The following RXFP1 variants were observed in gnomAD, a reference collection of about 807,000 sequenced individuals.
The protein encoded by RXFP1 is relaxin receptor 1.
A neutral mutation model predicts 89.8 loss-of-function variants in RXFP1; 73 were observed. The ratio of observed to expected loss-of-function variants is 0.81; its 90% CI spans 0.67 to 0.99. The LOEUF is 0.99. RXFP1 is among the 50% of genes least tolerant of loss of function. RXFP1 has a pLI of 0.00. For missense variants in RXFP1, 793 were observed against 895.5 expected (o/e 0.89, Z 1.46); for synonymous variants, 277 against 305.5 (o/e 0.91, Z 0.97).
chr4:158,522,111 C>T (rs1025237142), intron 1 of RXFP1, 86 bp downstream of exon 1: 1 of 751,034 alleles, frequency 1.3e-6, no homozygotes, highest in Non-Finnish European at 2.2e-6. Context: ...TATATTTATG[C>T]TTTTAAGATA....
intron 2 of RXFP1, among the ~76,000 whole-genome samples, chr4:158,583,372 G>A (rs182112520): frequency 5.9e-5 from 9 of 152,240 alleles, no homozygotes; most frequent in Admixed American, 2.6e-4. Context: ...AGACATTAGC[G>A]GTTCTCATTT....
At chr4:158,607,115 C>A in intron 5 of RXFP1, 2 of 1,535,960 alleles carry the variant, frequency 1.3e-6, no homozygotes, top group South Asian at 2.4e-5. Context: ...CTTACTTTAT[C>A]ATTCCCGCAA....
intron 2 of RXFP1, among the ~76,000 whole-genome samples, chr4:158,574,526 A>G (rs549142541): frequency 1.3e-5 from 2 of 152,344 alleles, no homozygotes; most frequent in Admixed American, 6.5e-5. Context: ...CTAAAGTGGT[A>G]TAAGGTAAAT....
At chr4:158,584,168 C>T (rs777079826) in intron 2 of RXFP1, among the ~76,000 whole-genome samples, 2 of 152,156 alleles carry the variant, frequency 1.3e-5, no homozygotes, top group Non-Finnish European at 2.9e-5. Flanking sequence ...GACATGGTGG[C>T]TCATGCCTGT....
chr4:158,599,585 G>A lies in RXFP1; in HGVS notation c.392+154G>A, dbSNP rs370298517. Among the ~76,000 whole-genome samples the A allele has an allele frequency of 1.9e-4, 29 of 152,046 alleles. No homozygotes were observed. The East Asian group carries it at 3.5e-3, about 18-fold the overall frequency. ...TATAATAATTACTGATATTTATTTT[G>A]CATTTATTAAATGCTAGACCCCACC... On this transcript the variant is annotated intron_variant, in intron 4 of 17. Coordinates refer to ENST00000307765, the MANE Select transcript of RXFP1 (RefSeq NM_021634.4).
chr4:158,615,698 C>G (rs1453598176), intron 8 of RXFP1, among the ~76,000 whole-genome samples: 1 of 151,796 alleles, frequency 6.6e-6, no homozygotes, highest in Non-Finnish European at 1.5e-5. Flanking sequence ...TAATCTCATG[C>G]TTTGGGAGAT....
intron 4 of RXFP1, among the ~76,000 whole-genome samples, chr4:158,604,365 T>C (rs959272717): frequency 3.9e-5 from 6 of 152,196 alleles, no homozygotes; most frequent in Non-Finnish European, 8.8e-5. Context: ...GTGTGATTCA[T>C]GCAAGGATCC....
At chr4:158,573,619 A>T (rs1755614590) in intron 2 of RXFP1, among the ~76,000 whole-genome samples, 1 of 152,196 alleles carries the variant, frequency 6.6e-6, no homozygotes, top group Admixed American at 6.5e-5. Context: ...GTTTTAACCC[A>T]ACAAACCTGC....
chr4:158,580,313 C>A (rs1757097213), intron 2 of RXFP1, among the ~76,000 whole-genome samples: 1 of 152,062 alleles, frequency 6.6e-6, no homozygotes, highest in Admixed American at 6.6e-5. Flanking sequence ...CTCTGAGCAC[C>A]CTTTGCTCTC....
chr4:158,595,334 G>A (rs1579919332), intron 3 of RXFP1, among the ~76,000 whole-genome samples: 1 of 152,190 alleles, frequency 6.6e-6, no homozygotes, highest in Admixed American at 6.5e-5. Context: ...GTGACTAAGA[G>A]TTTATTTTAG....
At chr4:158,585,865 AT>A (rs1485109978) in intron 2 of RXFP1, among the ~76,000 whole-genome samples, 2 of 152,228 alleles carry the variant, frequency 1.3e-5, no homozygotes, top group Non-Finnish European at 2.9e-5. Flanking sequence ...GACCACCCAC[AT>A]TAATCTTATT....
chr4:158,570,133 A>C (rs991919047), intron 1 of RXFP1, among the ~76,000 whole-genome samples: 2 of 152,212 alleles, frequency 1.3e-5, no homozygotes, highest in Non-Finnish European at 2.9e-5. Flanking sequence ...AGGAAGTAAA[A>C]GAATATTTAT....
intron 1 of RXFP1, among the ~76,000 whole-genome samples, chr4:158,547,980 G>T (rs1748969501): frequency 6.6e-6 from 1 of 152,170 alleles, no homozygotes; most frequent in African/African-American, 2.4e-5. Flanking sequence ...TGGGTGCAGA[G>T]CTGAGTTCAA....
At chr4:158,607,304 C>T (rs1287913505) in intron 5 of RXFP1, among the ~76,000 whole-genome samples, 2 of 150,036 alleles carry the variant, frequency 1.3e-5, no homozygotes, top group African/African-American at 5.1e-5. Flanking sequence ...AATTTATATT[C>T]TTCTAGTCCT....
intron 1 of RXFP1, among the ~76,000 whole-genome samples, chr4:158,552,249 A>G: frequency 6.6e-6 from 1 of 152,236 alleles, no homozygotes; most frequent in East Asian, 1.9e-4. Context: ...ACCAGTAAGT[A>G]GGAATAAAAT....
At chr4:158,646,441 T>C (rs1771559980) in intron 15 of RXFP1, 1 of 1,228,766 alleles carries the variant, frequency 8.1e-7, no homozygotes, top group African/African-American at 1.6e-5. Flanking sequence ...CTCATCTGAG[T>C]CCCTAACTGA....
chr4:158,537,470 C>T (rs374320591), intron 1 of RXFP1, among the ~76,000 whole-genome samples: 3 of 152,044 alleles, frequency 2.0e-5, no homozygotes, highest in African/African-American at 4.8e-5. Context: ...ACATCAGGCC[C>T]GAAGTGCCCT....
chr4:158,636,464 C>T (rs958270025), intron 12 of RXFP1, among the ~76,000 whole-genome samples: 4 of 152,170 alleles, frequency 2.6e-5, no homozygotes, highest in Admixed American at 2.0e-4. Context: ...TTCTTGACAG[C>T]TCCGCCTTCA....
chr4:158,577,147 T>C (rs1756421837), intron 2 of RXFP1, among the ~76,000 whole-genome samples: 1 of 152,276 alleles, frequency 6.6e-6, no homozygotes, highest in African/African-American at 2.4e-5. Flanking sequence ...CAAGTGATTC[T>C]CCTGCTTCAG....
Sources: gnomAD v4.1 joint callset for allele counts (sites outside exome capture counted in the v4.1 genomes callset) on GRCh38, gnomAD v4.1.1 for gene constraint, MANE v1.5 for transcripts, NCBI Gene and HGNC (gene_info 2026-07-23, HGNC 2026-07-21) for gene names.